Variants in STMN1 observed in about 807,000 individuals in gnomAD.
STMN1 encodes the protein stathmin 1.
STMN1 carries 3 observed loss-of-function variants against 19.7 expected under a neutral mutation model. The observed-to-expected ratio is 0.15, with a 90% CI of 0.07 to 0.39. The LOEUF (loss-of-function observed/expected upper bound fraction) is 0.39. Among genes scored for constraint, STMN1 ranks in the 10% least tolerant of loss-of-function variants. The pLI, the probability that STMN1 is intolerant of heterozygous loss-of-function variation, is 1.00. For synonymous variants in STMN1, 59 were observed against 58.9 expected (o/e 1.00, Z -0.01); for missense variants, 99 against 176.0 (o/e 0.56, Z 2.48).
downstream of STMN1, among the ~76,000 whole-genome samples, chr1:25,899,783 C>G (rs1316753362): frequency 6.6e-6 from 1 of 151,922 alleles, no homozygotes; most frequent in Admixed American, 6.6e-5. Context: ...TGGTAAAACC[C>G]CAATCTCAAG....
intron 4 of STMN1, chr1:25,892,577 G>C: frequency 1.0e-6 from 1 of 984,920 alleles, no homozygotes; most frequent in South Asian, 4.7e-5. Context: ...GAGCCGCTGA[G>C]GGTCCCCTCC....
At chr1:25,886,579 C>CTTTTT (rs34974254) in intron 4 of STMN1, among the ~76,000 whole-genome samples, 12 of 94,358 alleles carry the variant, frequency 1.3e-4, no homozygotes, top group Admixed American at 4.1e-4. Context: ...ACCCCCACCA[C>CTTTTT]TTTTTTTTTT....
At chr1:25,901,365 A>T in intron 4 of STMN1, 126 bp downstream of exon 4, 1 of 1,259,676 alleles carries the variant, frequency 7.9e-7, no homozygotes, top group Non-Finnish European at 1.1e-6. Context: ...CTTTCATTTA[A>T]TATGTTAAGC....
intron 4 of STMN1, chr1:25,885,882 G>GA (rs1557475223): frequency 6.5e-7 from 1 of 1,539,164 alleles, no homozygotes; most frequent in Non-Finnish European, 8.8e-7. Flanking sequence ...GGAAGAAAAA[G>GA]AAAAATCACC....
chr1:25,885,622 CA>C, exon 5 of STMN1: 1 of 1,414,118 alleles, frequency 7.1e-7, no homozygotes, highest in Non-Finnish European at 9.3e-7. Flanking sequence ...TGCCTGACCC[CA>C]AAGGCTTTTT....
chr1:25,900,011 T>C (rs1167959395), downstream of STMN1: 3 of 852,634 alleles, frequency 3.5e-6, no homozygotes, highest in African/African-American at 5.5e-5. Context: ...CAATGGGGAC[T>C]ATTACAGCCT....
In STMN1 at chr1:25,906,249, CCCA is replaced by C. The variant is rs1206357818; in HGVS notation, c.-63+137_-63+139del. The C allele has an allele frequency of 1.3e-5, 2 of 151,700 alleles. No homozygotes were observed. Among genetic ancestry groups the C allele is most frequent in the Non-Finnish European group, 2.9e-5 (2 of 67,950 alleles). 9.4% of individuals were successfully genotyped at this position (151,700 alleles called of 1,614,324 possible). On this transcript the variant is annotated intron_variant, in intron 1 of 4. Coordinates refer to ENST00000455785, the MANE Select transcript of STMN1 (RefSeq NM_005563.4). This position sits in a 1 kb window ranked among gnomAD's most constrained non-coding sequence, Gnocchi z 4.5. ...CACACACAAAGCGGAGCGACCCCCG[CCCA>C]CCAACCCCTCCGAGGCCCGCAGCCC...
intron 3 of STMN1, 177 bp downstream of exon 3, chr1:25,903,462 CAA>C (rs1277604363): frequency 2.6e-6 from 2 of 763,770 alleles, no homozygotes; most frequent in Non-Finnish European, 4.1e-6. Context: ...AAAATATAAA[CAA>C]AGGAGCGGGC....
At chr1:25,901,166 C>G in intron 4 of STMN1, 79 bp from the exon 5 acceptor site, 1 of 1,567,738 alleles carries the variant, frequency 6.4e-7, no homozygotes, top group Non-Finnish European at 8.6e-7. Flanking sequence ...CCCCCAGCCC[C>G]CACCTCAAAG....
chr1:25,901,712 C>T (rs756826204), intron 3 of STMN1, 30 bp from the exon 4 acceptor site: 29 of 1,584,028 alleles, frequency 1.8e-5, no homozygotes, highest in Non-Finnish European at 2.5e-5. Flanking sequence ...AGGCTAGGCA[C>T]TCTAAAATGT....
Position 25,903,748 on chromosome 1 carries a change from G to C in STMN1, c.79C>G (p.Arg27Gly). The stretch of plus-strand genomic sequence containing the variant: ...AATTCTGGAACAGATTCTTTTGACC[G>C]AGGGCTGAGAATCAGCTCAAAAGCC... ...GQAFELILSP[R>G]SKESVPEFPL... Residue 27 changes from arginine (R) to glycine (G), a missense_variant, in exon 3 of 5, where the codon CGG becomes GGG. Arg to Gly is a moderately radical substitution (Grantham distance 125, BLOSUM62 -2). Transcript: ENST00000455785. The C allele has an allele frequency of 1.2e-6, 2 of 1,613,980 alleles. No homozygotes were observed. The highest frequency in any genetic ancestry group is 1.1e-5 in the South Asian group (1 of 91,068).
chr1:25,898,360 C>G (rs1018261062), downstream of STMN1, among the ~76,000 whole-genome samples: 2 of 152,196 alleles, frequency 1.3e-5, no homozygotes, highest in Non-Finnish European at 2.9e-5. Flanking sequence ...ACAAAGCCCT[C>G]TGTGGTCACT....
chr1:25,895,042 G>C (rs2048806339), intron 4 of STMN1, among the ~76,000 whole-genome samples: 1 of 151,880 alleles, frequency 6.6e-6, no homozygotes. Context: ...TCTGGAAGGA[G>C]ACACGGGAGA....
chr1:25,889,803 C>T (rs1384256328), intron 4 of STMN1, among the ~76,000 whole-genome samples: 1 of 152,192 alleles, frequency 6.6e-6, no homozygotes, highest in African/African-American at 2.4e-5. Flanking sequence ...CAGCTGGACC[C>T]TGAGCACCTC....
At chr1:25,898,461 T>G (rs1224545702), downstream of STMN1, among the ~76,000 whole-genome samples, 1 of 152,230 alleles carries the variant, frequency 6.6e-6, no homozygotes, top group Non-Finnish European at 1.5e-5. Flanking sequence ...ACAGCTCTCC[T>G]TCCCCTCACA....
chr1:25,901,705 C>G (rs753672483), intron 3 of STMN1, 23 bp from the exon 4 acceptor site: 1 of 1,592,378 alleles, frequency 6.3e-7, no homozygotes, highest in South Asian at 1.1e-5. Flanking sequence ...GTTTAATAGG[C>G]TAGGCACTCT....
chr1:25,887,646 T>C (rs960253793), intron 4 of STMN1: 2 of 235,000 alleles, frequency 8.5e-6, no homozygotes, highest in South Asian at 6.4e-5. Context: ...TTTGAAAATA[T>C]AGATTTCTAG....
At chr1:25,897,676 A>G (rs2048831054), downstream of STMN1, among the ~76,000 whole-genome samples, 1 of 152,184 alleles carries the variant, frequency 6.6e-6, no homozygotes, top group South Asian at 2.1e-4. Flanking sequence ...TGTTCCGGGC[A>G]ACGAGGGGAT....
At chr1:25,902,605 T>C (rs1461410775) in intron 3 of STMN1, 1 of 152,274 alleles carries the variant, frequency 6.6e-6, no homozygotes, top group Non-Finnish European at 1.5e-5. Flanking sequence ...CTGGTTCTAT[T>C]GATTCTCTTC....
Sources: allele counts gnomAD v4.1 joint callset (sites outside exome capture counted in the v4.1 genomes callset), GRCh38; gene constraint gnomAD v4.1.1; non-coding constraint Gnocchi (gnomAD v3.1); transcripts MANE v1.5; gene names NCBI Gene and HGNC (gene_info 2026-07-23, HGNC 2026-07-21).